BCAR3: variants seen among roughly 807,000 people sequenced by gnomAD.
BCAR3 encodes the protein breast cancer anti-estrogen resistance protein 3.
Under a neutral mutation model 80.1 loss-of-function variants are expected in BCAR3, and 37 were observed. The ratio of observed to expected loss-of-function variants is 0.46; its 90% CI spans 0.36 to 0.61. The LOEUF is 0.61. BCAR3 is among the 20% of genes least tolerant of loss of function. BCAR3 has a pLI of 0.00. For missense variants in BCAR3, 978 were observed against 1,068.2 expected (o/e 0.92, Z 1.18); for synonymous variants, 389 against 418.9 (o/e 0.93, Z 0.87).
At chr1:93,661,196 C>T (rs1346374630) in intron 2 of BCAR3, among the ~76,000 whole-genome samples, 6 of 152,136 alleles carry the variant, frequency 3.9e-5, no homozygotes, top group South Asian at 2.1e-4. Flanking sequence ...TGCGCCACCA[C>T]GCCCTGCTAA....
intron 2 of BCAR3, among the ~76,000 whole-genome samples, chr1:93,670,110 A>C (rs1648135661): frequency 6.6e-6 from 1 of 152,198 alleles, no homozygotes; most frequent in African/African-American, 2.4e-5. Flanking sequence ...AATAATAATA[A>C]AAATTCATCC....
chr1:93,770,439 G>C (rs556547461), intron 2 of BCAR3, among the ~76,000 whole-genome samples: 17 of 152,216 alleles, frequency 1.1e-4, no homozygotes, highest in Admixed American at 3.3e-4. Context: ...TAGAAACTGG[G>C]CTATGCCTTC....
In BCAR3 at chr1:93,582,841, G is replaced by A. The variant is rs1437009544; in HGVS notation, c.1146C>T (p.Val382=). ...CCTCCCCAGCCCTGGCGTCTGAGGA[G>A]ACCCTCCGAACCACTGCTGGGCTCA... ...PALSPAVVRR[V]SSDARAGEAL... The change falls in exon 7 of 12, where the codon GTC becomes GTT. Residue 382 remains valine (V), a synonymous_variant. Transcript: ENST00000260502. 1.2e-6 allele frequency: 2 copies of A among 1,613,370 alleles called. No individual in the cohort carries two copies. Among genetic ancestry groups the A allele is most frequent in the African/African-American group, 2.7e-5 (2 of 74,934 alleles).
intron 2 of BCAR3, among the ~76,000 whole-genome samples, chr1:93,645,172 G>A (rs1489190741): frequency 2.0e-5 from 3 of 152,080 alleles, no homozygotes; most frequent in Non-Finnish European, 4.4e-5. Context: ...AACCCTGCAG[G>A]GAAATCCTCA....
At chr1:93,820,628 C>A (rs1361165351) in intron 2 of BCAR3, among the ~76,000 whole-genome samples, 2 of 152,180 alleles carry the variant, frequency 1.3e-5, no homozygotes, top group African/African-American at 4.8e-5. Flanking sequence ...GGGCATTTGC[C>A]TTCCTGACAT....
intron 1 of BCAR3, among the ~76,000 whole-genome samples, chr1:93,680,946 C>T (rs1361040941): frequency 6.6e-6 from 1 of 152,206 alleles, no homozygotes. Flanking sequence ...CACCGTCCCT[C>T]CCTTCCTTTG....
chr1:93,827,216 C>T lies in BCAR3; in HGVS notation c.-63+18351G>A, dbSNP rs569371953. Among the ~76,000 whole-genome samples the T allele has an allele frequency of 8.5e-5, 13 of 152,268 alleles. No individual in the cohort carries two copies. In the South Asian group the frequency reaches 1.0e-3, roughly 12 times the overall value. On this transcript the variant is annotated intron_variant, in intron 2 of 13. Coordinates refer to the BCAR3 transcript ENST00000370244. ...AAAGCACCTCTACAGGCCAGCTGTG[C>T]CATCATGAAGGCCATTTCAACCTTT... is the stretch of plus-strand genomic sequence containing the variant.
chr1:93,563,229 C>CAGTCA (rs1302877353), intron 11 of BCAR3, among the ~76,000 whole-genome samples: 2 of 152,238 alleles, frequency 1.3e-5, no homozygotes, highest in Admixed American at 1.3e-4. Context: ...CTGCAGACCT[C>CAGTCA]AGTCAACCAC....
intron 2 of BCAR3, among the ~76,000 whole-genome samples, chr1:93,777,230 T>C (rs1353708409): frequency 1.3e-5 from 2 of 152,242 alleles, no homozygotes; most frequent in Non-Finnish European, 2.9e-5. Context: ...TAAATTTCTG[T>C]TGTTTTAAGC....
Position 93,582,695 on chromosome 1 carries a change from T to G in BCAR3, c.1292A>C (p.Glu431Ala), listed in dbSNP as rs1448480679. 6.2e-7 allele frequency: 1 copy of G among 1,614,044 alleles called. No homozygotes were observed. Among genetic ancestry groups the G allele is most frequent in the Non-Finnish European group, 8.5e-7 (1 of 1,179,984 alleles). ...AWLNSEANYC[E>A]LNPAFATGCG... ...GCCTGTGGCAAACGCTGGGTTCAGT[T>G]CACAGTAGTTGGCCTCTGAGTTGAG... Residue 431 changes from glutamate (E) to alanine (A), a missense_variant, in exon 7 of 12, where the codon GAA (glutamate) becomes GCA (alanine). Transcript: ENST00000260502.
chr1:93,649,297 G>A (rs1326582973), intron 2 of BCAR3, among the ~76,000 whole-genome samples: 2 of 152,210 alleles, frequency 1.3e-5, no homozygotes, highest in African/African-American at 2.4e-5. Flanking sequence ...AGGCTATGGG[G>A]ACAGCACAGG....
chr1:93,720,476 C>G (rs1650354975), intron 2 of BCAR3, among the ~76,000 whole-genome samples: 1 of 152,122 alleles, frequency 6.6e-6, no homozygotes, highest in South Asian at 2.1e-4. Flanking sequence ...CAGGAGCATT[C>G]AGTAGAGGGG....
intron 3 of BCAR3, among the ~76,000 whole-genome samples, chr1:93,637,243 C>A (rs1223992378): frequency 6.6e-6 from 1 of 151,810 alleles, no homozygotes; most frequent in Non-Finnish European, 1.5e-5. Flanking sequence ...AATCTCGGCT[C>A]ACTGCAACCT....
chr1:93,618,282 CAG>C (rs1159545154), intron 3 of BCAR3, among the ~76,000 whole-genome samples: 1 of 152,236 alleles, frequency 6.6e-6, no homozygotes, highest in African/African-American at 2.4e-5. Flanking sequence ...CTGGTGAACA[CAG>C]ACAGTACATT....
At chr1:93,825,745 G>C (rs1318100330) in intron 2 of BCAR3, among the ~76,000 whole-genome samples, 2 of 152,192 alleles carry the variant, frequency 1.3e-5, no homozygotes, top group South Asian at 2.1e-4. Flanking sequence ...ATCATTTAAA[G>C]GGCCCGCAGC....
intron 2 of BCAR3, among the ~76,000 whole-genome samples, chr1:93,719,334 G>T (rs141516702): frequency 3.8e-3 from 277 of 73,028 alleles, no homozygotes; most frequent in East Asian, 9.0e-3. Flanking sequence ...AAACTTTCTT[G>T]TTTTTTTTTT....
intron 3 of BCAR3, among the ~76,000 whole-genome samples, chr1:93,696,308 C>T (rs980130612): frequency 2.0e-5 from 3 of 152,156 alleles, no homozygotes; most frequent in Non-Finnish European, 4.4e-5. Context: ...CTCTTGAATT[C>T]CCACATATTA....
chr1:93,668,893 G>A (rs1371424004), intron 2 of BCAR3, among the ~76,000 whole-genome samples: 2 of 151,852 alleles, frequency 1.3e-5, no homozygotes, highest in Admixed American at 1.3e-4. Flanking sequence ...TGTATTATTA[G>A]TAGAGACAGG....
At chr1:93,645,705 T>C (rs1354089847) in intron 2 of BCAR3, among the ~76,000 whole-genome samples, 1 of 151,120 alleles carries the variant, frequency 6.6e-6, no homozygotes, top group Admixed American at 6.6e-5. Flanking sequence ...AGACTATATA[T>C]GCATTTTATG....
Sources: allele counts gnomAD v4.1 joint callset (sites outside exome capture counted in the v4.1 genomes callset), GRCh38; gene constraint gnomAD v4.1.1; transcripts MANE v1.5; gene names NCBI Gene and HGNC (gene_info 2026-07-23, HGNC 2026-07-21).